Variants in RAPGEF1 observed in about 807,000 individuals in gnomAD.
RAPGEF1 encodes the protein CRK SH3-binding GNRP.
In RAPGEF1, 33 loss-of-function variants were observed where a neutral mutation model predicts 143.3. That is an observed-to-expected ratio of 0.23 (90% CI 0.17 to 0.31). RAPGEF1 has a LOEUF of 0.31. Ranked by LOEUF, RAPGEF1 falls within the 10% of genes least tolerant of loss-of-function variation. The pLI is 1.00. For missense variants in RAPGEF1, 1,199 were observed against 1,645.4 expected (o/e 0.73, Z 4.69); for synonymous variants, 629 against 676.5 (o/e 0.93, Z 1.09).
intron 1 of RAPGEF1, among the ~76,000 whole-genome samples, chr9:131,678,845 C>G (rs1206108176): frequency 1.3e-5 from 2 of 152,192 alleles, no homozygotes; most frequent in Non-Finnish European, 2.9e-5. Flanking sequence ...CTCCTCAGAG[C>G]ACCTTTCTTC....
rs141098873 is a variant in RAPGEF1 at position 131,709,172 on chromosome 9, C to T, written c.61+30598G>A. Among the ~76,000 whole-genome samples, 1,409 of 152,288 alleles carry T rather than the reference C, an allele frequency of 9.3e-3. 24 individuals are homozygous for T. Among genetic ancestry groups the T allele is most frequent in the African/African-American group, 0.032 (1,340 of 41,550 alleles). ...GACCAGCCTGGCCAAGATGGTGAAA[C>T]TCCATCTGTACTAAAAATACAAAAA... On this transcript the variant is annotated intron_variant, in intron 1 of 26. Transcript: ENST00000683357.
At chr9:131,631,241 T>C (rs1964764178) in intron 5 of RAPGEF1, among the ~76,000 whole-genome samples, 1 of 152,222 alleles carries the variant, frequency 6.6e-6, no homozygotes, top group Admixed American at 6.5e-5. Flanking sequence ...AAGTGTACGA[T>C]TCAGTGGTTT....
intron 12 of RAPGEF1, among the ~76,000 whole-genome samples, 178 bp from the exon 13 acceptor site, chr9:131,605,366 A>G (rs1162087553): frequency 6.6e-6 from 1 of 152,014 alleles, no homozygotes; most frequent in Non-Finnish European, 1.5e-5. Context: ...CACACCCAGC[A>G]CCTCCTCCCT....
At chr9:131,627,444 C>T (rs56140739) in intron 9 of RAPGEF1, among the ~76,000 whole-genome samples, 1 of 152,042 alleles carries the variant, frequency 6.6e-6, no homozygotes, top group Non-Finnish European at 1.5e-5. Flanking sequence ...TCACAGGATA[C>T]GAACAGCTTC....
chr9:131,656,793 C>G (rs1972590761), intron 1 of RAPGEF1, among the ~76,000 whole-genome samples: 1 of 152,220 alleles, frequency 6.6e-6, no homozygotes, highest in African/African-American at 2.4e-5. Context: ...TGCCTATGAG[C>G]TGTTGATGGA....
At chr9:131,686,101 C>A (rs943482825) in intron 1 of RAPGEF1, among the ~76,000 whole-genome samples, 1 of 152,082 alleles carries the variant, frequency 6.6e-6, no homozygotes, top group Non-Finnish European at 1.5e-5. Context: ...GAATATAAAA[C>A]GAATTCCTTC....
Position 131,592,057 on chromosome 9 carries a change from T to C in RAPGEF1, c.2774+42A>G, listed in dbSNP as rs997846396. 4.8e-6 allele frequency: 7 copies of C among 1,456,242 alleles called. No homozygotes were observed. The East Asian group carries it at 1.6e-4, about 33-fold the overall frequency. The allele number at this position is 1,456,242 out of a possible 1,614,324, so 90.2% of individuals were successfully genotyped here. A position where few individuals can be genotyped will look rare whatever the true frequency, so the allele number is the denominator to read the frequency against. On this transcript the variant is annotated intron_variant, in intron 18 of 26. Coordinates refer to ENST00000683357, the MANE Select transcript of RAPGEF1 (RefSeq NM_001377935.1). ...CAAGAGGGTCCCTCTCTCTCCAAAA[T>C]GCCCATGGTGCAGGGGCCCTGGGTC...
At chr9:131,674,989 C>T (rs571621381) in intron 1 of RAPGEF1, among the ~76,000 whole-genome samples, 1 of 152,144 alleles carries the variant, frequency 6.6e-6, no homozygotes, top group Non-Finnish European at 1.5e-5. Context: ...AAGCAGACTC[C>T]TGGGATGTGC....
intron 3 of RAPGEF1, among the ~76,000 whole-genome samples, chr9:131,647,060 T>C (rs1205948167): frequency 1.3e-5 from 2 of 152,216 alleles, no homozygotes; most frequent in Non-Finnish European, 2.9e-5. Flanking sequence ...CACTGCTCAT[T>C]GTAATTATAC....
intron 12 of RAPGEF1, among the ~76,000 whole-genome samples, chr9:131,609,099 T>C (rs1191245415): frequency 6.6e-6 from 1 of 152,154 alleles, no homozygotes; most frequent in African/African-American, 2.4e-5. Context: ...CTGCACAAGA[T>C]CTAGGGGTGC....
At chr9:131,734,043 T>C (rs1238561289) in intron 1 of RAPGEF1, among the ~76,000 whole-genome samples, 2 of 152,218 alleles carry the variant, frequency 1.3e-5, no homozygotes, top group African/African-American at 2.4e-5. Flanking sequence ...TGACTAGTAT[T>C]ACGAGTATCA....
Position 131,651,000 on chromosome 9 carries a change from G to T in RAPGEF1, c.62-51C>A, listed in dbSNP as rs1588768192. The T allele has an allele frequency of 6.3e-7, 1 of 1,585,900 alleles. No homozygotes were observed. The highest frequency in any genetic ancestry group is 2.2e-5 in the East Asian group (1 of 44,698). On this transcript the variant is annotated intron_variant, in intron 1 of 26. Coordinates refer to ENST00000683357, the MANE Select transcript of RAPGEF1 (RefSeq NM_001377935.1). The surrounding 1 kb of genome is among the most constrained non-coding windows in gnomAD (Gnocchi z 4.7). ...TTAGATGGGAGTGGGAAGAAGCGAT[G>T]GTTCATTGACCTTTTGTGGAAATGA...
rs758422845 is a variant in RAPGEF1, at chr9:131,598,248, G to A, written c.2564C>T (p.Ser855Phe). Residue 855 changes from serine (S) to phenylalanine (F), a missense_variant, in exon 16 of 27, where the codon TCC (serine) becomes TTC (phenylalanine). This residue lies in a region of RAPGEF1 where 293 missense variants were observed against 356.2 expected (regional missense o/e 0.82). Transcript: ENST00000683357. Reference sequence around the variant, plus strand: ...CATAATTTCGTTGTGGTCAATGAGGGACAGCTCGTCCACTTCCTCCTCCGA... The same window carrying A: ...CATAATTTCGTTGTGGTCAATGAGGAACAGCTCGTCCACTTCCTCCTCCGA... ...AQSEEEVDEL[S>F]LIDHNEIMSR... is the part of the protein sequence containing the mutation. 1 of 1,614,016 alleles carries A rather than the reference G, an allele frequency of 6.2e-7. No homozygotes were observed. Among genetic ancestry groups the A allele is most frequent in the Non-Finnish European group, 8.5e-7 (1 of 1,179,894 alleles).
At chr9:131,623,910 T>C (rs1437775255) in intron 10 of RAPGEF1, among the ~76,000 whole-genome samples, 2 of 152,078 alleles carry the variant, frequency 1.3e-5, no homozygotes, top group African/African-American at 2.4e-5. Flanking sequence ...CTCAAAGCAA[T>C]TTTGAGGCAT....
At position 131,604,999 on chromosome 9, in the gene RAPGEF1, C is replaced by T; in HGVS notation, c.2251G>A (p.Ala751Thr). ...PPSTVDGPLS[A>T]SQESSFHGNT... ...CCATGAAAGCTGCTCTCCTGAGAAG[C>T]CGAGAGAGGCCCGTCCACGGTGCTG... Residue 751 changes from alanine (A) to threonine (T), a missense_variant, in exon 13 of 27, where the codon GCT (alanine) becomes ACT (threonine). Physicochemically the swap from Ala to Thr is moderately conservative, Grantham distance 58. Coordinates refer to ENST00000683357, the MANE Select transcript of RAPGEF1 (RefSeq NM_001377935.1). The T allele has an allele frequency of 7.4e-7, 1 of 1,350,318 alleles. No individual in the cohort carries two copies. Among genetic ancestry groups the T allele is most frequent in the Non-Finnish European group, 9.9e-7 (1 of 1,014,378 alleles). 83.6% of individuals were successfully genotyped at this position (1,350,318 alleles called of 1,614,324 possible). A position where few individuals can be genotyped will look rare whatever the true frequency, so the allele number is the denominator to read the frequency against.
intron 1 of RAPGEF1, among the ~76,000 whole-genome samples, chr9:131,696,159 A>G (rs1834158241): frequency 6.6e-6 from 1 of 152,196 alleles, no homozygotes; most frequent in Non-Finnish European, 1.5e-5. Flanking sequence ...AGGCTGGCGG[A>G]AGCTACAACA....
In RAPGEF1 at chr9:131,643,090, G is replaced by C. The variant is rs946261919; in HGVS notation, c.494+149C>G. 4 of 851,474 alleles carry C rather than the reference G, an allele frequency of 4.7e-6. No individual in the cohort carries two copies. In the African/African-American group the frequency reaches 5.1e-5, roughly 11 times the overall value. The allele number at this position is 851,474 out of a possible 1,614,324, so 52.7% of individuals were successfully genotyped here. On this transcript the variant is annotated intron_variant, in intron 4 of 26. Coordinates refer to ENST00000683357, the MANE Select transcript of RAPGEF1 (RefSeq NM_001377935.1). ...TCTGAGATGGCATCACGGGATAGTT[G>C]TGGGGGGAGTGGTCAGGGGAAGGAT... is the stretch of plus-strand genomic sequence containing the variant.
intron 1 of RAPGEF1, among the ~76,000 whole-genome samples, chr9:131,669,075 T>C (rs1334797304): frequency 6.6e-6 from 1 of 152,166 alleles, no homozygotes; most frequent in African/African-American, 2.4e-5. Flanking sequence ...CAGGAAGGCC[T>C]GTCTAGCTGG....
intron 14 of RAPGEF1, 38 bp downstream of exon 14, chr9:131,603,923 G>C: frequency 8.1e-7 from 1 of 1,235,918 alleles, no homozygotes; most frequent in Non-Finnish European, 1.1e-6. Context: ...GCCCCACCAG[G>C]CCAGGCCACA....
Sources: gnomAD v4.1 joint callset for allele counts (sites outside exome capture counted in the v4.1 genomes callset) on GRCh38, gnomAD v4.1.1 for gene constraint, gnomAD v4.1.1 regional missense constraint, Gnocchi (gnomAD v3.1) non-coding constraint, MANE v1.5 for transcripts, NCBI Gene and HGNC (gene_info 2026-07-23, HGNC 2026-07-21) for gene names.